The following SH3PXD2A variants were observed in gnomAD, a reference collection of about 807,000 sequenced individuals.
The protein encoded by SH3PXD2A is SH3 and PX domain-containing protein 2A.
In SH3PXD2A, 32 loss-of-function variants were observed where a neutral mutation model predicts 115.2. The ratio of observed to expected loss-of-function variants is 0.28; its 90% CI spans 0.21 to 0.37. The LOEUF is 0.37. Ranked by LOEUF, SH3PXD2A falls within the 10% of genes least tolerant of loss-of-function variation. SH3PXD2A has a pLI of 1.00. For synonymous variants in SH3PXD2A, 610 were observed against 629.1 expected, an observed-to-expected ratio of 0.97 and a Z score of 0.45; for missense variants, 1,328 against 1,498.7, an observed-to-expected ratio of 0.89 and a Z score of 1.88.
At chr10:103,810,693 A>C (rs1473128887) in intron 1 of SH3PXD2A, among the ~76,000 whole-genome samples, 2 of 152,094 alleles carry the variant, frequency 1.3e-5, no homozygotes, top group African/African-American at 4.8e-5. Context: ...AAAGTGGCCC[A>C]ATGAATGTGG....
rs761148021 is a variant in SH3PXD2A, at chr10:103,603,671, G to A, written c.1547C>T (p.Thr516Met). The A allele has an allele frequency of 1.7e-5, 28 of 1,607,334 alleles. No individual in the cohort carries two copies. The highest frequency in any genetic ancestry group is 1.1e-4 in the South Asian group (10 of 90,360). Residue 516 changes from threonine (T) to methionine (M), a missense_variant, in exon 15 of 15, where the codon ACG becomes ATG. Coordinates refer to ENST00000369774, the MANE Select transcript of SH3PXD2A (RefSeq NM_001394015.1). ...KKPNLSRRTS[T>M]LTRPKVPPPA... ...CGGGGGCACCTTGGGCCGGGTCAGC[G>A]TGCTTGTGCGGCGGCTCAGGTTGGG...
intron 3 of SH3PXD2A, among the ~76,000 whole-genome samples, chr10:103,743,649 G>C (rs924737630): frequency 3.3e-5 from 5 of 152,132 alleles, no homozygotes; most frequent in African/African-American, 1.2e-4. Flanking sequence ...GGGAGTATAG[G>C]CCTGAGCCAC....
chr10:103,760,203 G>A (rs1031813801), intron 3 of SH3PXD2A, among the ~76,000 whole-genome samples: 1 of 152,128 alleles, frequency 6.6e-6, no homozygotes, highest in African/African-American at 2.4e-5. Context: ...GCATATGCAG[G>A]CATTCATCTG....
intron 13 of SH3PXD2A, chr10:103,608,768 C>T (rs992316388): frequency 3.9e-5 from 6 of 152,152 alleles, no homozygotes; most frequent in African/African-American, 1.4e-4. Flanking sequence ...GTGCCCAGCA[C>T]AAAATGCTCA....
intron 1 of SH3PXD2A, among the ~76,000 whole-genome samples, chr10:103,820,175 T>C (rs116427930): frequency 0.018 from 2,728 of 152,242 alleles, 84 homozygotes; most frequent in African/African-American, 0.062. Flanking sequence ...GCAAACCTTT[T>C]AAATCTCCCC....
At chr10:103,751,818 C>T (rs2038582780) in intron 3 of SH3PXD2A, among the ~76,000 whole-genome samples, 1 of 152,152 alleles carries the variant, frequency 6.6e-6, no homozygotes, top group African/African-American at 2.4e-5. Context: ...TCTCCAAGCC[C>T]ACTGGCAAGT....
At chr10:103,841,061 T>G (rs891390991) in intron 1 of SH3PXD2A, among the ~76,000 whole-genome samples, 2 of 152,224 alleles carry the variant, frequency 1.3e-5, no homozygotes, top group Admixed American at 6.5e-5. Context: ...GATAGGAACA[T>G]GTGTTTTGAG....
intron 8 of SH3PXD2A, among the ~76,000 whole-genome samples, chr10:103,655,300 T>C (rs568011669): frequency 2.6e-5 from 4 of 152,322 alleles, no homozygotes; most frequent in East Asian, 3.9e-4. Context: ...TAGTTCAGTT[T>C]TCCGCAATGC....
At chr10:103,724,793 A>C (rs1384595111) in intron 4 of SH3PXD2A, among the ~76,000 whole-genome samples, 2 of 152,010 alleles carry the variant, frequency 1.3e-5, no homozygotes, top group African/African-American at 2.4e-5. Context: ...ACTTAAACAA[A>C]AAAAAAAAGA....
At chr10:103,695,844 G>A (rs2037818341) in intron 5 of SH3PXD2A, among the ~76,000 whole-genome samples, 1 of 152,226 alleles carries the variant, frequency 6.6e-6, no homozygotes, top group Non-Finnish European at 1.5e-5. Context: ...CTGTCCTTCA[G>A]CCAGAGTTCA....
chr10:103,664,814 C>G (rs2037362858), intron 7 of SH3PXD2A, among the ~76,000 whole-genome samples: 1 of 151,996 alleles, frequency 6.6e-6, no homozygotes, highest in Non-Finnish European at 1.5e-5. Flanking sequence ...TTACAGGTGC[C>G]CACCACCATA....
chr10:103,730,064 C>T (rs560543362), intron 4 of SH3PXD2A, among the ~76,000 whole-genome samples: 1 of 152,208 alleles, frequency 6.6e-6, no homozygotes, highest in Non-Finnish European at 1.5e-5. Flanking sequence ...TGTGCTCAGG[C>T]CTTCTGCCTC....
chr10:103,814,550 T>C (rs1428630355), intron 1 of SH3PXD2A, among the ~76,000 whole-genome samples: 1 of 152,142 alleles, frequency 6.6e-6, no homozygotes, highest in Non-Finnish European at 1.5e-5. Flanking sequence ...GAAGGGGCTG[T>C]CTTGTGAAGT....
In SH3PXD2A at chr10:103,749,569, C is replaced by A. The variant is rs143820559; in HGVS notation, c.230-13761G>T. Among the ~76,000 whole-genome samples the A allele has an allele frequency of 5.3e-3, 809 of 152,294 alleles. 5 individuals carry two copies. Among genetic ancestry groups the A allele is most frequent in the African/African-American group, 0.019 (775 of 41,552 alleles). ...AATCCTAACCCAACAACAAGAGCTG[C>A]CATCCACTAACAGTGTTTCATAGAA... On this transcript the variant is annotated intron_variant, in intron 3 of 14. Coordinates refer to ENST00000369774, the MANE Select transcript of SH3PXD2A (RefSeq NM_001394015.1).
chr10:103,699,021 T>A (rs1027118638), intron 5 of SH3PXD2A, among the ~76,000 whole-genome samples: 9 of 152,226 alleles, frequency 5.9e-5, no homozygotes, highest in South Asian at 4.2e-4. Context: ...GATGTCTGGC[T>A]GTGAAATCCA....
chr10:103,772,560 G>A (rs1197023024), intron 2 of SH3PXD2A, among the ~76,000 whole-genome samples: 4 of 152,266 alleles, frequency 2.6e-5, no homozygotes, highest in African/African-American at 7.2e-5. Context: ...AACCACATCA[G>A]AACCTCGCAG....
At chr10:103,678,262 C>T in intron 6 of SH3PXD2A, 1 of 685,552 alleles carries the variant, frequency 1.5e-6, no homozygotes, top group Non-Finnish European at 2.3e-6. Flanking sequence ...TGGGTCCAGA[C>T]CAATCCCCTG....
chr10:103,850,730 C>G (rs1842889004), intron 1 of SH3PXD2A, among the ~76,000 whole-genome samples: 2 of 152,180 alleles, frequency 1.3e-5, no homozygotes, highest in African/African-American at 4.8e-5. Context: ...GGGCGTGTAA[C>G]CCACTTCCCC....
intron 5 of SH3PXD2A, among the ~76,000 whole-genome samples, chr10:103,715,140 G>T (rs560819172): frequency 6.6e-6 from 1 of 152,344 alleles, no homozygotes; most frequent in Non-Finnish European, 1.5e-5. Context: ...GCTAATGGAG[G>T]AAAGGAGAAG....
Sources: gnomAD v4.1 joint callset for allele counts (sites outside exome capture counted in the v4.1 genomes callset) on GRCh38, gnomAD v4.1.1 for gene constraint, MANE v1.5 for transcripts, NCBI Gene and HGNC (gene_info 2026-07-23, HGNC 2026-07-21) for gene names.